Variants in ZZEF1 observed in about 807,000 individuals in gnomAD.
ZZEF1 encodes the protein zinc finger ZZ-type and EF-hand domain containing 1.
A neutral mutation model predicts 342.8 loss-of-function variants in ZZEF1; 157 were observed. That is an observed-to-expected ratio of 0.46 (90% CI 0.40 to 0.52). The LOEUF (loss-of-function observed/expected upper bound fraction) is 0.52, where lower values mean the gene tolerates loss of function less well. Ranked by LOEUF, ZZEF1 falls within the 20% of genes least tolerant of loss-of-function variation. ZZEF1 has a pLI of 0.00. For synonymous variants in ZZEF1, 1,505 were observed against 1,429.1 expected (o/e 1.05, Z -1.20); for missense variants, 3,480 against 3,725.6 (o/e 0.93, Z 1.72).
intron 18 of ZZEF1, among the ~76,000 whole-genome samples, chr17:4,079,836 C>T (rs918440976): frequency 6.6e-6 from 1 of 152,092 alleles, no homozygotes; most frequent in African/African-American, 2.4e-5. Context: ...CAGTAAGGCA[C>T]CCGCAAAAAT....
In ZZEF1 at chr17:4,050,924, G is replaced by A; in HGVS notation, c.5720C>T (p.Ala1907Val). 6.2e-7 allele frequency: 1 copy of A among 1,614,240 alleles called. No homozygotes were observed. The highest frequency in any genetic ancestry group is 1.1e-5 in the South Asian group (1 of 91,086). Residue 1907 changes from alanine (A) to valine (V), a missense_variant, in exon 36 of 55, where the codon GCT becomes GTT. Physicochemically the swap from Ala to Val is moderately conservative, Grantham distance 64 (BLOSUM62 0). Around this residue, in one of 5 missense-constraint regions of ZZEF1, gnomAD observed 1,269 missense variants for 1,342.4 expected, o/e 0.95. Coordinates refer to ENST00000381638, the MANE Select transcript of ZZEF1 (RefSeq NM_015113.4). ...NYSWLLFAAL[A>V]LYSAHLASAE... ...ACTGGCCAGGTGGGCGCTATAGAGA[G>A]CCAGGGCAGCAAAGAGCAGCCAGGA... is the stretch of plus-strand genomic sequence containing the variant.
chr17:4,126,782 C>T (rs979721515), intron 1 of ZZEF1, among the ~76,000 whole-genome samples: 1 of 152,090 alleles, frequency 6.6e-6, no homozygotes, highest in Admixed American at 6.6e-5. Context: ...CCTGGCCAAG[C>T]CAGCAAAACT....
At position 4,122,540 on chromosome 17, in the gene ZZEF1, C is replaced by T. The variant is rs555730571; in HGVS notation, c.499+1367G>A. 3.9e-5 allele frequency among the ~76,000 whole-genome samples: 6 copies of T among 152,150 alleles called. No individual in the cohort carries two copies. In the East Asian group the frequency reaches 1.2e-3, roughly 29 times the overall value. ...GATTACAGGCATGCACCAACATGCC[C>T]AGCTAATTTTTGTATTTTTAGTAGA... On this transcript the variant is annotated intron_variant, in intron 2 of 54. Coordinates refer to ENST00000381638, the MANE Select transcript of ZZEF1 (RefSeq NM_015113.4).
intron 40 of ZZEF1, chr17:4,033,235 A>G (rs7213487): frequency 0.24 from 106,909 of 452,294 alleles, 13,316 homozygotes; most frequent in Admixed American, 0.32. Flanking sequence ...ATCTATAAAA[A>G]TCACCTGTGT....
In ZZEF1 at chr17:4,142,617, C is replaced by T. The variant is rs773304739; in HGVS notation, c.279G>A (p.Glu93=). 1 of 1,605,438 alleles carries T rather than the reference C, an allele frequency of 6.2e-7. No homozygotes were observed. Among genetic ancestry groups the T allele is most frequent in the African/African-American group, 1.3e-5 (1 of 74,892 alleles). Reference sequence around the variant, plus strand: ...CCCGGAACTGCTCCAGAGTGACAGACTCTTCGCCGCGGCCCAGCCGCTCTT... The same window carrying T: ...CCCGGAACTGCTCCAGAGTGACAGATTCTTCGCCGCGGCCCAGCCGCTCTT... The part of the protein sequence containing the change: ...WLEERLGRGE[E]SVTLEQFREL... Residue 93 remains glutamate (E), a synonymous_variant, in exon 1 of 55, where the codon GAG becomes GAA. Coordinates refer to ENST00000381638, the MANE Select transcript of ZZEF1 (RefSeq NM_015113.4).
chr17:4,019,743 A>AG lies in ZZEF1; in HGVS notation c.7430dup (p.Leu2478SerfsTer27), dbSNP rs939522785. The stretch of plus-strand genomic sequence containing the variant: ...CGTATATGGCCCGGAGAATGTGCAG[A>AG]GGGGCATTGAGGGCATCATGAGCCA... On this transcript the variant is annotated frameshift_variant, in exon 46 of 55. Transcript: ENST00000381638. LOFTEE classifies it high-confidence loss of function. 1 of 1,610,580 alleles carries AG rather than the reference A, an allele frequency of 6.2e-7. No individual in the cohort carries two copies. The highest frequency in any genetic ancestry group is 8.5e-7 in the Non-Finnish European group (1 of 1,179,168).
chr17:4,102,074 CA>C (rs1416126871), intron 9 of ZZEF1, among the ~76,000 whole-genome samples: 1 of 152,016 alleles, frequency 6.6e-6, no homozygotes, highest in East Asian at 1.9e-4. Context: ...TTTTATATTC[CA>C]AGAGAAAGAA....
At chr17:4,024,345 G>A (rs141610862) in intron 43 of ZZEF1, among the ~76,000 whole-genome samples, 9 of 151,900 alleles carry the variant, frequency 5.9e-5, no homozygotes, top group African/African-American at 1.7e-4. Flanking sequence ...TTACAGGCAC[G>A]TACCACCACA....
intron 4 of ZZEF1, among the ~76,000 whole-genome samples, chr17:4,113,121 CA>C (rs1489783409): frequency 6.6e-6 from 1 of 152,076 alleles, no homozygotes; most frequent in South Asian, 2.1e-4. Context: ...AAACTGCATA[CA>C]AAAAAACTGA....
chr17:4,016,511 C>T lies in ZZEF1; in HGVS notation c.8002-45G>A. 2 of 1,571,020 alleles carry T rather than the reference C, an allele frequency of 1.3e-6. No individual in the cohort carries two copies. Among genetic ancestry groups the T allele is most frequent in the South Asian group, 2.3e-5 (2 of 86,056 alleles). On this transcript the variant is annotated intron_variant, in intron 48 of 54. Transcript: ENST00000381638. This position sits in a 1 kb window ranked among gnomAD's most constrained non-coding sequence, Gnocchi z 4.4. ...TAAGGTCAGGGCCTGCAAGTGGCAT[C>T]AGGAAGAAGGGACAGTTTACTTCAA...
At chr17:4,139,706 G>A (rs560889166) in intron 1 of ZZEF1, among the ~76,000 whole-genome samples, 5 of 152,270 alleles carry the variant, frequency 3.3e-5, no homozygotes, top group East Asian at 3.9e-4. Context: ...CATGAGAGAC[G>A]GTGGCCACTG....
chr17:4,012,693 A>T (rs572068542), intron 52 of ZZEF1, among the ~76,000 whole-genome samples: 1 of 152,332 alleles, frequency 6.6e-6, no homozygotes, highest in African/African-American at 2.4e-5. Flanking sequence ...CTAAGCATTG[A>T]GAGGAAGAAA....
intron 12 of ZZEF1, among the ~76,000 whole-genome samples, chr17:4,089,462 G>A (rs2057903843): frequency 6.6e-6 from 1 of 152,246 alleles, no homozygotes; most frequent in African/African-American, 2.4e-5. Context: ...GCCCTTAAGA[G>A]AGTTCCTAAT....
chr17:4,063,715 C>T (rs2057331051), intron 29 of ZZEF1, among the ~76,000 whole-genome samples: 1 of 149,792 alleles, frequency 6.7e-6, no homozygotes, highest in Non-Finnish European at 1.5e-5. Context: ...GCAGGTGCCA[C>T]CACACTCAGG....
chr17:4,054,446 G>C (rs2057113607), intron 33 of ZZEF1, among the ~76,000 whole-genome samples: 1 of 152,194 alleles, frequency 6.6e-6, no homozygotes, highest in Non-Finnish European at 1.5e-5. Context: ...GGCTACCAAT[G>C]GGTATTCAGA....
rs375420784 is a variant in ZZEF1 at position 4,075,041 on chromosome 17, C to A, written c.3483+56G>T. ...ACCTCTACTGCCCCCTGAAGGCTGA[C>A]AAAAGGAAAAGCATTGGTGCAGAAG... On this transcript the variant is annotated intron_variant, in intron 23 of 54. Transcript: ENST00000381638. 469 of 1,583,626 alleles carry A rather than the reference C, an allele frequency of 3.0e-4. No homozygotes were observed. The African/African-American group carries it at 5.6e-3, about 19-fold the overall frequency.
chr17:4,113,149 A>G (rs948477860), intron 4 of ZZEF1, among the ~76,000 whole-genome samples: 7 of 152,230 alleles, frequency 4.6e-5, no homozygotes, highest in African/African-American at 1.4e-4. Context: ...TCTCTCATCT[A>G]TAAATTAGAT....
chr17:4,103,597 T>G (rs1260462371), intron 8 of ZZEF1, among the ~76,000 whole-genome samples: 2 of 151,738 alleles, frequency 1.3e-5, no homozygotes, highest in Non-Finnish European at 1.5e-5. Context: ...AGCCATTAAG[T>G]CAGTCACACT....
At position 4,112,071 on chromosome 17, in the gene ZZEF1, T is replaced by C. The variant is rs1459048504; in HGVS notation, c.1066+538A>G. Among the ~76,000 whole-genome samples, 7 of 56,114 alleles carry C rather than the reference T, an allele frequency of 1.2e-4. 1 individual carries two copies. Among genetic ancestry groups the C allele is most frequent in the African/African-American group, 5.6e-4 (7 of 12,468 alleles). 36.8% of individuals were successfully genotyped at this position (56,114 alleles called of 152,430 possible). A position where few individuals can be genotyped will look rare whatever the true frequency, so the allele number is the denominator to read the frequency against. On this transcript the variant is annotated intron_variant, in intron 5 of 54. Transcript: ENST00000381638. ...ATATATATATATATATATATATATA[T>C]ATATATATATATATATATATATGTT...
Sources: gnomAD v4.1 joint callset for allele counts (sites outside exome capture counted in the v4.1 genomes callset) on GRCh38, gnomAD v4.1.1 for gene constraint, gnomAD v4.1.1 regional missense constraint, Gnocchi (gnomAD v3.1) non-coding constraint, MANE v1.5 for transcripts, NCBI Gene and HGNC (gene_info 2026-07-23, HGNC 2026-07-21) for gene names.